Variants in TNRC6A observed in about 807,000 individuals in gnomAD.
TNRC6A encodes trinucleotide repeat-containing gene 6A protein.
Under a neutral mutation model 221.2 loss-of-function variants are expected in TNRC6A, and 44 were observed. The observed-to-expected ratio is 0.20, with a 90% CI of 0.16 to 0.26. TNRC6A has a LOEUF of 0.26. Ranked by LOEUF, TNRC6A falls within the 10% of genes least tolerant of loss-of-function variation. The pLI is 1.00. For synonymous variants in TNRC6A, 847 were observed against 838.5 expected (o/e 1.01, Z -0.18); for missense variants, 2,199 against 2,404.4 (o/e 0.91, Z 1.79).
At chr16:24,735,240 C>T (rs2056737864) in intron 2 of TNRC6A, among the ~76,000 whole-genome samples, 1 of 152,178 alleles carries the variant, frequency 6.6e-6, no homozygotes, top group South Asian at 2.1e-4. Context: ...GATTGTGCCA[C>T]TGCGCTCCAG....
At chr16:24,672,079 G>A (rs56219009) in intron 2 of TNRC6A, among the ~76,000 whole-genome samples, 3,926 of 152,124 alleles carry the variant, frequency 0.026, 161 homozygotes, top group African/African-American at 0.088. Flanking sequence ...AGAGTGATTC[G>A]GGAGTTGTGT....
chr16:24,652,589 T>C (rs193168300), intron 2 of TNRC6A, among the ~76,000 whole-genome samples: 2 of 152,322 alleles, frequency 1.3e-5, no homozygotes, highest in Non-Finnish European at 2.9e-5. Context: ...TTATAGCCCT[T>C]GTTTTCATAA....
intron 2 of TNRC6A, among the ~76,000 whole-genome samples, chr16:24,679,612 G>A (rs1296741128): frequency 1.3e-5 from 2 of 152,066 alleles, no homozygotes; most frequent in Non-Finnish European, 2.9e-5. Flanking sequence ...AAGTAGCTGG[G>A]ACTACAGGCA....
chr16:24,665,361 C>T (rs528201492), intron 2 of TNRC6A, among the ~76,000 whole-genome samples: 8 of 152,240 alleles, frequency 5.3e-5, no homozygotes, highest in African/African-American at 1.9e-4. Context: ...AGGCATGAGC[C>T]ACCACATTCA....
chr16:24,763,148 C>T lies in TNRC6A; in HGVS notation c.163+4788C>T, dbSNP rs148020315. On this transcript the variant is annotated intron_variant, in intron 4 of 24. Coordinates refer to ENST00000395799, the MANE Select transcript of TNRC6A (RefSeq NM_014494.4). ...CCAAGCAAGCAGCTGATTCTAAAAT[C>T]TCCTGCATGCTTTGATCTCTATGCA... Among the ~76,000 whole-genome samples the T allele has an allele frequency of 6.6e-5, 10 of 152,262 alleles. No individual in the cohort carries two copies. The East Asian group carries it at 1.9e-3, about 29-fold the overall frequency.
intron 2 of TNRC6A, among the ~76,000 whole-genome samples, chr16:24,695,313 C>CA (rs1360508638): frequency 2.6e-5 from 4 of 152,138 alleles, no homozygotes; most frequent in African/African-American, 9.7e-5. Context: ...CTACCTGTGT[C>CA]AACTATGTTT....
chr16:24,642,958 G>A (rs905439646), intron 2 of TNRC6A, among the ~76,000 whole-genome samples: 1 of 150,048 alleles, frequency 6.7e-6, no homozygotes, highest in Non-Finnish European at 1.5e-5. Flanking sequence ...GTGGAAGGAT[G>A]GCTGGAGCCC....
chr16:24,758,462 A>AGAAGC (rs2057297427), intron 4 of TNRC6A, 102 bp downstream of exon 4: 1 of 1,271,080 alleles, frequency 7.9e-7, no homozygotes, highest in African/African-American at 1.5e-5. Flanking sequence ...AGAGCATGAA[A>AGAAGC]GAAGCGGTTG....
rs531925259 is a variant in TNRC6A at position 24,791,717 on chromosome 16, C to T, written c.3075C>T (p.Asn1025=). Reference sequence around the variant, plus strand: ...AAAATGTGAACATGTGGAACAAAAACGTCCCAAATGGCAACAGCCGTTCAG... The same window carrying T: ...AAAATGTGAACATGTGGAACAAAAATGTCCCAAATGGCAACAGCCGTTCAG... The part of the protein sequence containing the change: ...NYKNVNMWNK[N]VPNGNSRSDQ... Residue 1025 remains asparagine (N), a synonymous_variant, in exon 6 of 25, where the codon AAC becomes AAT. Transcript: ENST00000395799. 17 of 1,613,326 alleles carry T rather than the reference C, an allele frequency of 1.1e-5. No homozygotes were observed. The highest frequency in any genetic ancestry group is 5.5e-5 in the South Asian group (5 of 90,948).
intron 1 of TNRC6A, among the ~76,000 whole-genome samples, chr16:24,630,183 C>G (rs969220527): frequency 6.6e-6 from 1 of 152,122 alleles, no homozygotes; most frequent in Non-Finnish European, 1.5e-5. Flanking sequence ...GCTTTCTCTC[C>G]TTTTATAGTA....
At chr16:24,815,007 A>C in intron 18 of TNRC6A, 140 bp from the exon 19 acceptor site, 1 of 862,120 alleles carries the variant, frequency 1.2e-6, no homozygotes, top group Non-Finnish European at 1.8e-6. Flanking sequence ...TTAGAATCTC[A>C]ATATAAAAGA....
rs1054253580 is a variant in TNRC6A at position 24,791,387 on chromosome 16, A to G, written c.2745A>G (p.Lys915=). The G allele has an allele frequency of 1.3e-6, 2 of 1,575,846 alleles. No homozygotes were observed. Among genetic ancestry groups the G allele is most frequent in the Middle Eastern group, 1.7e-4 (1 of 5,868 alleles). ...CATCAGGATGGGATGAATCTTCTAA[A>G]CCTACTCCTTCCCAGGGATGGGGAG... ...NNSSGWDESS[K]PTPSQGWGDP... is the part of the protein sequence containing the mutation. The change falls in exon 6 of 25, where the codon AAA becomes AAG. Residue 915 remains lysine (K), a synonymous_variant. Transcript: ENST00000395799.
rs754800778 is a variant in TNRC6A at position 24,794,580 on chromosome 16, A to C, written c.3389A>C (p.Asp1130Ala). The change falls in exon 8 of 25, where the codon GAT becomes GCT. Residue 1130 changes from aspartate to alanine, a missense_variant. Physicochemically the swap from Asp to Ala is moderately radical, Grantham distance 126 (BLOSUM62 -2). This residue lies in a region of TNRC6A where 1,405 missense variants were observed against 1,400.2 expected (regional missense o/e 1.00). Coordinates refer to ENST00000395799, the MANE Select transcript of TNRC6A (RefSeq NM_014494.4). ...ATGCAAGATGGCTGGTGTGGTGATG[A>C]TATGCCATTGCCTGGAAATCGCCCC... ...KSMQDGWCGD[D>A]MPLPGNRPTG... The C allele has an allele frequency of 6.2e-7, 1 of 1,614,008 alleles. No individual in the cohort carries two copies. Among genetic ancestry groups the C allele is most frequent in the Non-Finnish European group, 8.5e-7 (1 of 1,179,938 alleles).
intron 1 of TNRC6A, among the ~76,000 whole-genome samples, chr16:24,639,202 C>A (rs1020840260): frequency 1.3e-5 from 2 of 152,038 alleles, no homozygotes; most frequent in African/African-American, 4.8e-5. Flanking sequence ...ATGAGAAAGA[C>A]GGCTGCGTGT....
intron 2 of TNRC6A, among the ~76,000 whole-genome samples, chr16:24,675,608 G>A (rs1368423290): frequency 6.7e-6 from 1 of 149,208 alleles, no homozygotes; most frequent in African/African-American, 2.5e-5. Context: ...TTGGACCCAG[G>A]AGGCAGAGGT....
chr16:24,660,126 T>C (rs766857366), intron 2 of TNRC6A, among the ~76,000 whole-genome samples: 1 of 152,124 alleles, frequency 6.6e-6, no homozygotes, highest in Non-Finnish European at 1.5e-5. Context: ...AGTGTTTGGT[T>C]ACATGAGTAA....
At chr16:24,757,325 A>G (rs1399231847) in intron 3 of TNRC6A, among the ~76,000 whole-genome samples, 1 of 152,232 alleles carries the variant, frequency 6.6e-6, no homozygotes, top group Non-Finnish European at 1.5e-5. Context: ...CCATATATCT[A>G]TAATAGTATA....
At chr16:24,733,121 T>C (rs2056682712) in intron 2 of TNRC6A, among the ~76,000 whole-genome samples, 1 of 152,046 alleles carries the variant, frequency 6.6e-6, no homozygotes, top group African/African-American at 2.4e-5. Flanking sequence ...GGAGGCTGAG[T>C]CAGGAGAATT....
intron 2 of TNRC6A, among the ~76,000 whole-genome samples, chr16:24,641,704 A>G (rs888280719): frequency 6.6e-6 from 1 of 152,226 alleles, no homozygotes; most frequent in African/African-American, 2.4e-5. Context: ...ATTTGTAAAC[A>G]TGAGTACTAG....
Sources: gnomAD v4.1 joint callset for allele counts (sites outside exome capture counted in the v4.1 genomes callset) on GRCh38, gnomAD v4.1.1 for gene constraint, gnomAD v4.1.1 regional missense constraint, MANE v1.5 for transcripts, NCBI Gene and HGNC (gene_info 2026-07-23, HGNC 2026-07-21) for gene names.